The following ZMPSTE24 variants were observed in gnomAD, a reference collection of about 807,000 sequenced individuals.
ZMPSTE24 encodes the protein zinc metallopeptidase STE24.
ZMPSTE24 carries 48 observed loss-of-function variants against 56.7 expected under a neutral mutation model. The observed-to-expected ratio is 0.85, with a 90% CI of 0.67 to 1.08. The LOEUF (loss-of-function observed/expected upper bound fraction) is 1.08, where lower values mean the gene tolerates loss of function less well. Among genes scored for constraint, ZMPSTE24 ranks in the 50% least tolerant of loss-of-function variants. The pLI, the probability that ZMPSTE24 is intolerant of heterozygous loss-of-function variation, is 0.00. For synonymous variants in ZMPSTE24, 172 were observed against 195.2 expected (o/e 0.88, Z 0.99); for missense variants, 503 against 548.7 (o/e 0.92, Z 0.83).
chr1:40,264,846 C>T (rs1643533438), intron 2 of ZMPSTE24, among the ~76,000 whole-genome samples: 1 of 148,842 alleles, frequency 6.7e-6, no homozygotes, highest in Non-Finnish European at 1.5e-5. Flanking sequence ...ACTGCTGTAC[C>T]CCCGCCTGGT....
intron 6 of ZMPSTE24, among the ~76,000 whole-genome samples, chr1:40,278,911 T>C (rs1323203335): frequency 6.6e-6 from 1 of 152,138 alleles, no homozygotes; most frequent in African/African-American, 2.4e-5. Context: ...CACTTTGGGA[T>C]GCCAAGGCAG....
At position 40,286,482 on chromosome 1, in the gene ZMPSTE24, G is replaced by A. The variant is rs373803306; in HGVS notation, c.1059+453G>A. On this transcript the variant is annotated intron_variant, in intron 8 of 9. Coordinates refer to ENST00000372759, the MANE Select transcript of ZMPSTE24 (RefSeq NM_005857.5). Reference sequence around the variant, plus strand: ...GTCACCCAGACTGGAGTGCAGTGATGTGATCTCGGCTCACTGCAACCTCTG... The same window carrying A: ...GTCACCCAGACTGGAGTGCAGTGATATGATCTCGGCTCACTGCAACCTCTG... Among the ~76,000 whole-genome samples, 12 of 152,224 alleles carry A rather than the reference G, an allele frequency of 7.9e-5. 1 individual carries two copies. The highest frequency in any genetic ancestry group is 3.9e-4 in the East Asian group (2 of 5,180).
chr1:40,281,241 A>G, intron 6 of ZMPSTE24, 102 bp from the exon 7 acceptor site: 1 of 1,140,984 alleles, frequency 8.8e-7, no homozygotes, highest in Non-Finnish European at 1.3e-6. Context: ...AAATGATTTG[A>G]AAATGTTAAT....
At chr1:40,273,389 G>A (rs1410757733) in intron 6 of ZMPSTE24, among the ~76,000 whole-genome samples, 3 of 150,634 alleles carry the variant, frequency 2.0e-5, no homozygotes, top group Admixed American at 1.3e-4. Flanking sequence ...GTGGTGGTGC[G>A]TGCCTGTAAT....
chr1:40,275,285 A>AAAAAG (rs1643657075), intron 6 of ZMPSTE24, among the ~76,000 whole-genome samples: 1 of 148,450 alleles, frequency 6.7e-6, no homozygotes, highest in African/African-American at 2.5e-5. Flanking sequence ...AAAAAAAAAA[A>AAAAAG]AAGCCGGGCG....
chr1:40,272,986 A>G (rs1210187118), intron 6 of ZMPSTE24, among the ~76,000 whole-genome samples: 1 of 152,248 alleles, frequency 6.6e-6, no homozygotes, highest in African/African-American at 2.4e-5. Flanking sequence ...AGCCATAGAC[A>G]ATACTAAACA....
rs908949819 is a variant in ZMPSTE24 at position 40,260,931 on chromosome 1, G to A, written c.216G>A (p.Leu72=). The change falls in exon 2 of 10, where the codon CTG becomes CTA. Residue 72 remains leucine (L), a synonymous_variant. Coordinates refer to ENST00000372759, the MANE Select transcript of ZMPSTE24 (RefSeq NM_005857.5). ...ETFEKSRLYQ[L]DKSTFSFWSG... is the part of the protein sequence containing the mutation. ...TTGAGAAATCTCGACTCTATCAACT[G>A]GATAAAAGCACTTTCAGCTTCTGGT... 2 of 1,613,994 alleles carry A rather than the reference G, an allele frequency of 1.2e-6. No homozygotes were observed. Among genetic ancestry groups the A allele is most frequent in the Non-Finnish European group, 1.7e-6 (2 of 1,180,028 alleles).
Position 40,281,544 on chromosome 1 carries a change from T to G in ZMPSTE24, c.954+17T>G, listed in dbSNP as rs201748200. 26 of 1,610,726 alleles carry G rather than the reference T, an allele frequency of 1.6e-5. No homozygotes were observed. In the African/African-American group the frequency reaches 2.7e-4, roughly 17 times the overall value. On this transcript the variant is annotated intron_variant, in intron 7 of 9. Coordinates refer to ENST00000372759, the MANE Select transcript of ZMPSTE24 (RefSeq NM_005857.5). Reference sequence around the variant, plus strand: ...AAAGTTAAAGTGAGTTATTTTTTCCTAAGAGATTCTACCTTAGTTTTTATA... The same window carrying G: ...AAAGTTAAAGTGAGTTATTTTTTCCGAAGAGATTCTACCTTAGTTTTTATA...
At chr1:40,263,250 A>T (rs925785416) in intron 2 of ZMPSTE24, among the ~76,000 whole-genome samples, 16 of 152,246 alleles carry the variant, frequency 1.1e-4, no homozygotes, top group Non-Finnish European at 2.4e-4. Context: ...TAGAAGCAGT[A>T]CTGATGGGCT....
intron 8 of ZMPSTE24, 21 bp downstream of exon 8, chr1:40,286,050 CT>C: frequency 6.3e-7 from 1 of 1,591,422 alleles, no homozygotes; most frequent in Non-Finnish European, 8.6e-7. Context: ...AGTGACAATT[CT>C]TTTTTTATGG....
chr1:40,268,493 T>C lies in ZMPSTE24; in HGVS notation c.432T>C (p.Tyr144=), dbSNP rs1367676672. 8.1e-6 allele frequency: 13 copies of C among 1,612,282 alleles called. No homozygotes were observed. Among genetic ancestry groups the C allele is most frequent in the Non-Finnish European group, 8.5e-6 (10 of 1,179,640 alleles). The part of the protein sequence containing the change: ...SALTGLPWSL[Y]NTFVIEEKHG... Reference sequence around the variant, plus strand: ...TGACTGGTTTGCCATGGAGTCTTTATAATACTTTTGTGATAGAAGAAAAAC... The same window carrying C: ...TGACTGGTTTGCCATGGAGTCTTTACAATACTTTTGTGATAGAAGAAAAAC... The change falls in exon 4 of 10, where the codon TAT becomes TAC. Residue 144 remains tyrosine (Y), a synonymous_variant. Transcript: ENST00000372759.
rs143249374 is a variant in ZMPSTE24 at position 40,262,748 on chromosome 1, G to T, written c.270+1763G>T. 73 of 993,290 alleles carry T rather than the reference G, an allele frequency of 7.3e-5. No individual in the cohort carries two copies. The African/African-American group carries it at 1.2e-3, about 17-fold the overall frequency. 61.5% of individuals were successfully genotyped at this position (993,290 alleles called of 1,614,324 possible). On this transcript the variant is annotated intron_variant, in intron 2 of 9. Coordinates refer to ENST00000372759, the MANE Select transcript of ZMPSTE24 (RefSeq NM_005857.5). ...GTTTTCCCTCCATTGCTTGGTAAGTGTATTTGCCTCTTCTTTCTGCAGTTG... is the reference window on the plus strand; with the variant it reads ...GTTTTCCCTCCATTGCTTGGTAAGTTTATTTGCCTCTTCTTTCTGCAGTTG...
At chr1:40,268,384 A>T (rs1370239048) in intron 3 of ZMPSTE24, 35 bp from the exon 4 acceptor site, 1 of 1,468,054 alleles carries the variant, frequency 6.8e-7, no homozygotes, top group Non-Finnish European at 9.5e-7. Flanking sequence ...CCAGTAGTTC[A>T]TAAAAACTGG....
intron 2 of ZMPSTE24, chr1:40,262,906 G>T: frequency 9.3e-7 from 1 of 1,077,156 alleles, no homozygotes; most frequent in Non-Finnish European, 1.1e-6. Flanking sequence ...GTTCTATACT[G>T]ATTAATAGCT....
chr1:40,289,032 C>T (rs940257206), intron 8 of ZMPSTE24, among the ~76,000 whole-genome samples: 18 of 152,006 alleles, frequency 1.2e-4, no homozygotes, highest in African/African-American at 4.4e-4. Context: ...CTGGTGCCAG[C>T]ATATTGTATT....
chr1:40,281,635 C>A, intron 7 of ZMPSTE24, 108 bp downstream of exon 7: 1 of 1,183,474 alleles, frequency 8.4e-7, no homozygotes, highest in Non-Finnish European at 1.2e-6. Flanking sequence ...TTCAGGGAGA[C>A]TATCAGATGA....
At chr1:40,283,798 G>C (rs961683023) in intron 7 of ZMPSTE24, among the ~76,000 whole-genome samples, 4 of 151,868 alleles carry the variant, frequency 2.6e-5, no homozygotes, top group African/African-American at 4.8e-5. Context: ...TGTTTTCAGG[G>C]CTCCTCTTAC....
At chr1:40,261,871 G>A (rs576883026) in intron 2 of ZMPSTE24, among the ~76,000 whole-genome samples, 1 of 152,176 alleles carries the variant, frequency 6.6e-6, no homozygotes, top group South Asian at 2.1e-4. Context: ...CACCACACCT[G>A]GCTAATTTTT....
chr1:40,289,987 A>G (rs992787257), intron 8 of ZMPSTE24, among the ~76,000 whole-genome samples: 3 of 152,190 alleles, frequency 2.0e-5, no homozygotes, highest in Non-Finnish European at 4.4e-5. Flanking sequence ...GACCACTTCA[A>G]ACCCTCAATG....
Sources: gnomAD v4.1 joint callset for allele counts (sites outside exome capture counted in the v4.1 genomes callset) on GRCh38, gnomAD v4.1.1 for gene constraint, MANE v1.5 for transcripts, NCBI Gene and HGNC (gene_info 2026-07-23, HGNC 2026-07-21) for gene names.